The following EIF3E variants were observed in gnomAD, a reference collection of about 807,000 sequenced individuals.
EIF3E encodes eukaryotic translation initiation factor 3 subunit E.
EIF3E carries 25 observed loss-of-function variants against 59.3 expected under a neutral mutation model. That is an observed-to-expected ratio of 0.42 (90% CI 0.31 to 0.59). The LOEUF (loss-of-function observed/expected upper bound fraction) is 0.59, where lower values mean the gene tolerates loss of function less well. Among genes scored for constraint, EIF3E ranks in the 20% least tolerant of loss-of-function variants. EIF3E has a pLI of 0.15. For synonymous variants in EIF3E, 176 were observed against 170.2 expected (o/e 1.03, Z -0.26); for missense variants, 317 against 534.3 (o/e 0.59, Z 4.01).
chr8:108,244,065 A>G (rs969605184), intron 1 of EIF3E, among the ~76,000 whole-genome samples: 1 of 152,254 alleles, frequency 6.6e-6, no homozygotes, highest in Admixed American at 6.5e-5. Flanking sequence ...AAGAAGCAAC[A>G]ATTGAAAATA....
rs79356256 is a variant in EIF3E at position 108,217,319 on chromosome 8, A to G, written c.849+15T>C. ...GGTATTTAAAAAAAAAAATCAATAT[A>G]TATTTTAGTTTTACCTGTTGAATAA... is the stretch of plus-strand genomic sequence containing the variant. On this transcript the variant is annotated intron_variant, in intron 8 of 12. Transcript: ENST00000220849. 2.4e-3 allele frequency: 3,709 copies of G among 1,514,682 alleles called. 69 individuals are homozygous for G. The African/African-American group carries it at 0.042, about 17-fold the overall frequency. The allele number at this position is 1,514,682 out of a possible 1,614,324, so 93.8% of individuals were successfully genotyped here. A position where few individuals can be genotyped will look rare whatever the true frequency, so the allele number is the denominator to read the frequency against.
intron 5 of EIF3E, among the ~76,000 whole-genome samples, chr8:108,233,198 C>T (rs1206168283): frequency 6.6e-6 from 1 of 151,858 alleles, no homozygotes; most frequent in East Asian, 1.9e-4. Flanking sequence ...CAAATGGAAG[C>T]AAGAAAGAAA....
chr8:108,233,683 A>C (rs1218349478), intron 5 of EIF3E: 1 of 416,742 alleles, frequency 2.4e-6, no homozygotes, highest in Non-Finnish European at 4.8e-6. Flanking sequence ...CTTGGAAAAA[A>C]AAAAATTAAA....
intron 7 of EIF3E, among the ~76,000 whole-genome samples, chr8:108,220,798 C>T (rs372243720): frequency 2.0e-5 from 3 of 152,222 alleles, no homozygotes; most frequent in South Asian, 4.1e-4. Flanking sequence ...TCTCTGGCTG[C>T]TAAAATCAAA....
intron 3 of EIF3E, among the ~76,000 whole-genome samples, chr8:108,238,567 T>G (rs1815779748): frequency 6.6e-6 from 1 of 152,186 alleles, no homozygotes; most frequent in Non-Finnish European, 1.5e-5. Context: ...TCCCTGAATA[T>G]TTTCAATCTG....
At chr8:108,244,517 T>G (rs1368851228) in intron 1 of EIF3E, among the ~76,000 whole-genome samples, 1 of 152,148 alleles carries the variant, frequency 6.6e-6, no homozygotes, top group African/African-American at 2.4e-5. Context: ...TATGACAATT[T>G]TCATCATGTA....
At chr8:108,206,159 C>T (rs946250646) in intron 10 of EIF3E, among the ~76,000 whole-genome samples, 19 of 151,958 alleles carry the variant, frequency 1.3e-4, no homozygotes, top group East Asian at 3.9e-4. Flanking sequence ...AAATACCAAC[C>T]GTGTTAGATG....
intron 3 of EIF3E, among the ~76,000 whole-genome samples, chr8:108,238,932 C>A (rs1815785662): frequency 2.0e-5 from 3 of 152,136 alleles, no homozygotes; most frequent in Non-Finnish European, 4.4e-5. Flanking sequence ...CAAAAGACTT[C>A]CACCCGTGAC....
At chr8:108,244,073 A>G (rs1430036784) in intron 1 of EIF3E, among the ~76,000 whole-genome samples, 3 of 152,242 alleles carry the variant, frequency 2.0e-5, no homozygotes, top group Non-Finnish European at 4.4e-5. Flanking sequence ...ACAATTGAAA[A>G]TACTATATAA....
chr8:108,233,816 G>T (rs951231548), intron 5 of EIF3E: 4 of 136,228 alleles, frequency 2.9e-5, no homozygotes, highest in African/African-American at 1.1e-4. Flanking sequence ...TCTTACCTGG[G>T]TGAGAGCAAG....
intron 7 of EIF3E, among the ~76,000 whole-genome samples, chr8:108,225,802 C>G (rs191964570): frequency 6.6e-6 from 1 of 151,546 alleles, no homozygotes; most frequent in Admixed American, 6.5e-5. Context: ...GGCATGAAAA[C>G]CCAGTTGTCA....
chr8:108,207,411 G>T (rs1446554244), intron 10 of EIF3E, among the ~76,000 whole-genome samples: 1 of 152,166 alleles, frequency 6.6e-6, no homozygotes, highest in African/African-American at 2.4e-5. Context: ...GTCCCTGGTG[G>T]TCTAGTGGCT....
At position 108,231,366 on chromosome 8, in the gene EIF3E, C is replaced by T. The variant is rs1020069786; in HGVS notation, c.472-2171G>A. ...TGCTTGAAGATCAATATTAAATGCA[C>T]AATTCTTACAGTGACATCACAACAG... On this transcript the variant is annotated intron_variant, in intron 5 of 12. Transcript: ENST00000220849. Among the ~76,000 whole-genome samples, 10 of 152,182 alleles carry T rather than the reference C, an allele frequency of 6.6e-5. No homozygotes were observed. The East Asian group carries it at 1.7e-3, about 26-fold the overall frequency.
intron 1 of EIF3E, among the ~76,000 whole-genome samples, chr8:108,244,079 T>C (rs749804661): frequency 1.2e-4 from 18 of 152,218 alleles, no homozygotes; most frequent in Admixed American, 2.0e-4. Flanking sequence ...GAAAATACTA[T>C]ATAAGTACTC....
rs770543950 is a variant in EIF3E at position 108,203,143 on chromosome 8, T to A, written c.1165-26A>T. ...CTAAAAGGAAACACAGGGAAATTGA[T>A]CCTATAATGTTAATGACTGAGTTTC... On this transcript the variant is annotated intron_variant, in intron 11 of 12. Coordinates refer to ENST00000220849, the MANE Select transcript of EIF3E (RefSeq NM_001568.3). The A allele has an allele frequency of 1.1e-5, 17 of 1,601,316 alleles. 1 individual carries two copies. In the East Asian group the frequency reaches 3.6e-4, roughly 34 times the overall value.
chr8:108,215,299 AT>A (rs1329324898), intron 9 of EIF3E, among the ~76,000 whole-genome samples: 1 of 152,068 alleles, frequency 6.6e-6, no homozygotes, highest in Non-Finnish European at 1.5e-5. Context: ...TTGGATTCTA[AT>A]TTTCTATTCC....
At chr8:108,221,760 T>C (rs1240955390) in intron 7 of EIF3E, among the ~76,000 whole-genome samples, 2 of 151,478 alleles carry the variant, frequency 1.3e-5, no homozygotes, top group Admixed American at 1.3e-4. Context: ...TCTCAACTAC[T>C]TAGATCTACC....
intron 9 of EIF3E, among the ~76,000 whole-genome samples, chr8:108,215,230 G>T (rs1329511226): frequency 6.7e-6 from 1 of 149,620 alleles, no homozygotes; most frequent in East Asian, 1.9e-4. Flanking sequence ...ATGAATATAC[G>T]CCAATATTTA....
At chr8:108,210,506 TA>T (rs1413927001) in intron 10 of EIF3E, among the ~76,000 whole-genome samples, 1 of 152,234 alleles carries the variant, frequency 6.6e-6, no homozygotes, top group Non-Finnish European at 1.5e-5. Context: ...TGTTGGTCAT[TA>T]TCACGGATTA....
Sources: gnomAD v4.1 joint callset for allele counts (sites outside exome capture counted in the v4.1 genomes callset) on GRCh38, gnomAD v4.1.1 for gene constraint, MANE v1.5 for transcripts, NCBI Gene and HGNC (gene_info 2026-07-23, HGNC 2026-07-21) for gene names.